The following BTBD8 variants were observed in gnomAD, a reference collection of about 807,000 sequenced individuals.
BTBD8 encodes the protein BTB domain containing 8, also known as BTB/POZ domain-containing protein 8.
BTBD8 carries 110 observed loss-of-function variants against 162.9 expected under a neutral mutation model. The ratio of observed to expected loss-of-function variants is 0.68; its 90% CI spans 0.58 to 0.79. BTBD8 has a LOEUF of 0.79. Ranked by LOEUF, BTBD8 falls within the 30% of genes least tolerant of loss-of-function variation. The pLI is 0.00. For synonymous variants in BTBD8, 667 were observed against 716.1 expected (o/e 0.93, Z 1.10); for missense variants, 1,905 against 2,085.4 (o/e 0.91, Z 1.68).
At chr1:92,088,199 A>G (rs1380128788) in intron 1 of BTBD8, among the ~76,000 whole-genome samples, 2 of 152,184 alleles carry the variant, frequency 1.3e-5, no homozygotes, top group African/African-American at 2.4e-5. Flanking sequence ...CATTAGCCAG[A>G]ACTAAGTACC....
intron 12 of BTBD8, among the ~76,000 whole-genome samples, chr1:92,169,228 A>T (rs561205473): frequency 6.6e-6 from 1 of 152,336 alleles, no homozygotes; most frequent in East Asian, 1.9e-4. Context: ...TAATCTTACT[A>T]TACATTAGCA....
In BTBD8 at chr1:92,165,926, A is replaced by G. The variant is rs143144840; in HGVS notation, c.1123-1032A>G. Reference sequence around the variant, plus strand: ...CTTGGTGGATGGAATTTGTGGCCATATTTTTCAATTTACCAGTCTATCAAG... The same window carrying G: ...CTTGGTGGATGGAATTTGTGGCCATGTTTTTCAATTTACCAGTCTATCAAG... On this transcript the variant is annotated intron_variant, in intron 9 of 17. Transcript: ENST00000636805. Among the ~76,000 whole-genome samples, 265 of 152,284 alleles carry G rather than the reference A, an allele frequency of 1.7e-3. 3 individuals carry two copies. The highest frequency in any genetic ancestry group is 5.8e-3 in the African/African-American group (242 of 41,546).
Position 92,147,190 on chromosome 1 carries a change from G to C in BTBD8, c.941G>C (p.Arg314Thr), listed in dbSNP as rs994138524. 2 of 1,604,646 alleles carry C rather than the reference G, an allele frequency of 1.2e-6. No individual in the cohort carries two copies. The highest frequency in any genetic ancestry group is 2.7e-5 in the African/African-American group (2 of 74,516). The change falls in exon 8 of 18, where the codon AGA (arginine) becomes ACA (threonine). Residue 314 changes from arginine to threonine, a missense_variant. Coordinates refer to ENST00000636805, the MANE Select transcript of BTBD8 (RefSeq NM_001376131.1). ...YCNFFQKPVP[R>T]TLTSILECLI... ...TTCCATCAATTTTAGCCTGTTCCCAGAACATTGACGTCTATACTAGAATGC... is the reference window on the plus strand; with the variant it reads ...TTCCATCAATTTTAGCCTGTTCCCACAACATTGACGTCTATACTAGAATGC...
At chr1:92,094,384 G>A (rs1303344693) in intron 2 of BTBD8, among the ~76,000 whole-genome samples, 1 of 152,136 alleles carries the variant, frequency 6.6e-6, no homozygotes, top group African/African-American at 2.4e-5. Context: ...CAAAAGGAAG[G>A]GAGTACAATG....
At chr1:92,149,117 A>G (rs187899388) in intron 9 of BTBD8, among the ~76,000 whole-genome samples, 34 of 152,350 alleles carry the variant, frequency 2.2e-4, no homozygotes, top group Non-Finnish European at 4.1e-4. Context: ...CTACAGCTAC[A>G]TGAGGAGTTA....
chr1:92,144,692 T>A (rs562761368), intron 7 of BTBD8, among the ~76,000 whole-genome samples: 2 of 151,610 alleles, frequency 1.3e-5, no homozygotes, highest in South Asian at 4.2e-4. Flanking sequence ...GTGCCTGTGG[T>A]CCCAGCTACT....
At chr1:92,102,165 C>T (rs930564525) in intron 2 of BTBD8, among the ~76,000 whole-genome samples, 8 of 151,986 alleles carry the variant, frequency 5.3e-5, no homozygotes, top group Non-Finnish European at 7.4e-5. Context: ...TACAGACACC[C>T]GCCACCATGC....
chr1:92,183,480 T>A (rs1056916142), intron 17 of BTBD8, among the ~76,000 whole-genome samples: 11 of 152,174 alleles, frequency 7.2e-5, no homozygotes, highest in Admixed American at 3.9e-4. Flanking sequence ...CCCTGCCTTT[T>A]GCAACGGACT....
intron 9 of BTBD8, among the ~76,000 whole-genome samples, chr1:92,152,953 A>T (rs1650077971): frequency 6.6e-6 from 1 of 152,196 alleles, no homozygotes; most frequent in African/African-American, 2.4e-5. Context: ...CATATTTGTC[A>T]TATTTTATTG....
intron 4 of BTBD8, among the ~76,000 whole-genome samples, chr1:92,123,712 G>C (rs1452190741): frequency 7.0e-6 from 1 of 142,676 alleles, no homozygotes; most frequent in Admixed American, 7.5e-5. Context: ...GGGAGGTGGA[G>C]CTTGCAGTGA....
In BTBD8 at chr1:92,182,464, A is replaced by G. The variant is rs1490133101; in HGVS notation, c.4781A>G (p.Asn1594Ser). The G allele has an allele frequency of 1.3e-6, 2 of 1,551,652 alleles. No homozygotes were observed. The highest frequency in any genetic ancestry group is 1.4e-5 in the African/African-American group (1 of 73,158). The change falls in exon 17 of 18, where the codon AAT becomes AGT. Residue 1594 changes from asparagine to serine, a missense_variant. Physicochemically the swap from Asn to Ser is conservative, Grantham distance 46. Around this residue, in one of 3 missense-constraint regions of BTBD8, gnomAD observed 517 missense variants for 606.6 expected, o/e 0.85. Coordinates refer to ENST00000636805, the MANE Select transcript of BTBD8 (RefSeq NM_001376131.1). The stretch of plus-strand genomic sequence containing the variant: ...TTGGATCTTCATCAAAGAGAACCCA[A>G]TTCTGACATACCAAAGAACAGCTCT... The part of the protein sequence containing the change: ...CHLDLHQREP[N>S]SDIPKNSSTK...
At chr1:92,086,207 T>A (rs1176033112) in intron 1 of BTBD8, among the ~76,000 whole-genome samples, 1 of 152,102 alleles carries the variant, frequency 6.6e-6, no homozygotes, top group Admixed American at 6.6e-5. Flanking sequence ...GAGCCCCGGA[T>A]TCCATCCAAG....
At chr1:92,118,900 G>C (rs75642929) in intron 4 of BTBD8, among the ~76,000 whole-genome samples, 1 of 73,830 alleles carries the variant, frequency 1.4e-5, no homozygotes, top group African/African-American at 5.0e-5. Flanking sequence ...GTGTGTGTGT[G>C]TCTGTGTGTG....
In BTBD8 at chr1:92,118,803, CTTTT is replaced by C. The variant is rs386367658; in HGVS notation, c.662+10816_662+10819del. 1.0e-4 allele frequency among the ~76,000 whole-genome samples: 10 copies of C among 95,272 alleles called. 1 individual carries two copies. The highest frequency in any genetic ancestry group is 1.4e-4 in the African/African-American group (3 of 21,442). The allele number at this position is 95,272 out of a possible 152,430, so 62.5% of individuals were successfully genotyped here. A position where few individuals can be genotyped will look rare whatever the true frequency, so the allele number is the denominator to read the frequency against. ...CTTATAATTTGGCTTTTCTTTCTTT[CTTTT>C]TTTTTTTTTTTTTGCTCTATTTGTT... On this transcript the variant is annotated intron_variant, in intron 4 of 17. Coordinates refer to ENST00000636805, the MANE Select transcript of BTBD8 (RefSeq NM_001376131.1).
chr1:92,113,496 A>G (rs1648951176), intron 4 of BTBD8, among the ~76,000 whole-genome samples: 2 of 152,242 alleles, frequency 1.3e-5, no homozygotes, highest in African/African-American at 4.8e-5. Context: ...CTTAGACTGC[A>G]GTGGAGTTCC....
At chr1:92,179,807 A>G (rs1208887097) in intron 16 of BTBD8, among the ~76,000 whole-genome samples, 1 of 152,204 alleles carries the variant, frequency 6.6e-6, no homozygotes, top group African/African-American at 2.4e-5. Context: ...AAACAACTGC[A>G]ACAATTTTAA....
intron 9 of BTBD8, among the ~76,000 whole-genome samples, chr1:92,150,123 G>C (rs979739152): frequency 6.6e-6 from 1 of 152,028 alleles, no homozygotes; most frequent in Non-Finnish European, 1.5e-5. Context: ...TTAGAATCTT[G>C]GAATCTAATT....
At chr1:92,092,641 G>C (rs951530420) in intron 2 of BTBD8, among the ~76,000 whole-genome samples, 3 of 152,198 alleles carry the variant, frequency 2.0e-5, no homozygotes, top group Admixed American at 2.0e-4. Flanking sequence ...ACCCATAAAT[G>C]TGAGGGTTTA....
At position 92,108,014 on chromosome 1, in the gene BTBD8, G is replaced by A. The variant is rs186982005; in HGVS notation, c.662+13G>A. The A allele has an allele frequency of 8.0e-5, 127 of 1,595,666 alleles. 2 individuals are homozygous for A. The African/African-American group carries it at 1.4e-3, about 18-fold the overall frequency. On this transcript the variant is annotated intron_variant, in intron 4 of 17. Coordinates refer to ENST00000636805, the MANE Select transcript of BTBD8 (RefSeq NM_001376131.1). ...TTAAAGCTCACAGGTAAATAGACACGACTGATTTGCTGTCTTGGTTGTGGC... is the reference window on the plus strand; with the variant it reads ...TTAAAGCTCACAGGTAAATAGACACAACTGATTTGCTGTCTTGGTTGTGGC...
Sources: allele counts gnomAD v4.1 joint callset (sites outside exome capture counted in the v4.1 genomes callset), GRCh38; gene constraint gnomAD v4.1.1; regional missense constraint gnomAD v4.1.1; transcripts MANE v1.5; gene names NCBI Gene and HGNC (gene_info 2026-07-23, HGNC 2026-07-21).